The following TUSC3 variants were observed in gnomAD, a reference collection of about 807,000 sequenced individuals.
The protein encoded by TUSC3 is tumor suppressor candidate 3.
Under a neutral mutation model 44.8 loss-of-function variants are expected in TUSC3, and 45 were observed. The ratio of observed to expected loss-of-function variants is 1.00; its 90% CI spans 0.79 to 1.29. The LOEUF (loss-of-function observed/expected upper bound fraction) is 1.29, where lower values mean the gene tolerates loss of function less well. Ranked by LOEUF, TUSC3 falls within the 50% of genes most tolerant of loss-of-function variation. The pLI, the probability that TUSC3 is intolerant of heterozygous loss-of-function variation, is 0.00. For synonymous variants in TUSC3, 212 were observed against 152.9 expected (o/e 1.39, Z -2.85); for missense variants, 519 against 437.9 (o/e 1.19, Z -1.65).
intron 3 of TUSC3, among the ~76,000 whole-genome samples, chr8:15,655,859 AAACCACCT>A (rs1807139593): frequency 6.6e-6 from 1 of 152,170 alleles, no homozygotes; most frequent in African/African-American, 2.4e-5. Flanking sequence ...CTTCTTCCCC[AAACCACCT>A]TATTTTTGCA....
chr8:15,830,146 G>GT, the TUSC3 span, among the ~76,000 whole-genome samples: 1,506 of 148,990 alleles, frequency 0.01, 17 homozygotes, highest in Middle Eastern at 0.017. Context: ...AGGTTGTTAG[G>GT]TTTTTTTTTT....
At chr8:15,505,488 A>G (rs1801039668) in intron 2 of TUSC3, among the ~76,000 whole-genome samples, 2 of 152,216 alleles carry the variant, frequency 1.3e-5, no homozygotes. Context: ...AATCTCCAGC[A>G]GGGAACATCT....
the TUSC3 span, among the ~76,000 whole-genome samples, chr8:15,787,520 T>G: frequency 6.6e-6 from 1 of 152,206 alleles, no homozygotes; most frequent in South Asian, 2.1e-4. Context: ...TTGAGGGATT[T>G]TATGATGTCA....
chr8:15,517,139 T>C (rs1801227832), intron 2 of TUSC3, among the ~76,000 whole-genome samples: 1 of 152,116 alleles, frequency 6.6e-6, no homozygotes, highest in South Asian at 2.1e-4. Context: ...ACTCCAGGGA[T>C]TCTCTAGCAA....
At position 15,659,584 on chromosome 8, in the gene TUSC3, C is replaced by G. The variant is rs748983687; in HGVS notation, c.504C>G (p.Leu168=). 6.2e-6 allele frequency: 10 copies of G among 1,613,444 alleles called. No homozygotes were observed. In the Admixed American group the frequency reaches 1.0e-4, roughly 16 times the overall value. The part of the protein sequence containing the change: ...GRPKRADTFD[L]QRIGFAAEQL... The stretch of plus-strand genomic sequence containing the variant: ...CTAAGAGAGCTGATACTTTTGACCT[C>G]CAAAGAATTGGATTTGCAGCTGAGC... The change falls in exon 4 of 11, where the codon CTC becomes CTG. Residue 168 remains leucine, a synonymous_variant. Transcript: ENST00000503731.
intron 5 of TUSC3, among the ~76,000 whole-genome samples, chr8:15,664,793 A>C (rs927661784): frequency 1.3e-4 from 19 of 149,470 alleles, no homozygotes; most frequent in Non-Finnish European, 2.4e-4. Flanking sequence ...TAAATATATA[A>C]TATATAATTT....
intron 1 of TUSC3, among the ~76,000 whole-genome samples, chr8:15,577,710 A>G (rs1457889718): frequency 1.4e-5 from 2 of 143,636 alleles, no homozygotes; most frequent in African/African-American, 5.2e-5. Context: ...TGTTTTGGTT[A>G]CTGTAGCCTT....
chr8:15,849,859 C>T, the TUSC3 span, among the ~76,000 whole-genome samples: 5 of 152,116 alleles, frequency 3.3e-5, no homozygotes, highest in African/African-American at 1.2e-4. Context: ...TGGCTCACTC[C>T]AGTGCTGAGC....
intron 1 of TUSC3, among the ~76,000 whole-genome samples, chr8:15,551,025 T>A (rs549210422): frequency 6.6e-6 from 1 of 151,892 alleles, no homozygotes; most frequent in South Asian, 2.1e-4. Flanking sequence ...GGATTCTAGT[T>A]CCTTTGATTT....
At chr8:15,536,288 T>C (rs1214923474), upstream of TUSC3, among the ~76,000 whole-genome samples, 1 of 152,168 alleles carries the variant, frequency 6.6e-6, no homozygotes, top group East Asian at 1.9e-4. Flanking sequence ...TGTAAAGTCC[T>C]GAGGGCATGG....
intron 1 of TUSC3, among the ~76,000 whole-genome samples, chr8:15,605,075 T>C (rs954671141): frequency 6.6e-6 from 1 of 151,812 alleles, no homozygotes; most frequent in Non-Finnish European, 1.5e-5. Flanking sequence ...ATGAATGTAG[T>C]AGTGACTGTG....
rs565452359 is a variant in TUSC3, at chr8:15,674,155, G to A, written c.798+319G>A. ...ACATGTAACCCCACTAGAGGAAATC[G>A]GAATAGTTTATAGCCAATGTCCCTC... On this transcript the variant is annotated intron_variant, in intron 6 of 10. Transcript: ENST00000503731. 2.6e-5 allele frequency among the ~76,000 whole-genome samples: 4 copies of A among 151,966 alleles called. No homozygotes were observed. The South Asian group carries it at 6.2e-4, about 24-fold the overall frequency.
At chr8:15,595,065 C>A (rs1480470210) in intron 1 of TUSC3, among the ~76,000 whole-genome samples, 4 of 152,146 alleles carry the variant, frequency 2.6e-5, no homozygotes, top group African/African-American at 9.7e-5. Context: ...AGAACTTGGG[C>A]TATTCCCACC....
the TUSC3 span, among the ~76,000 whole-genome samples, chr8:15,816,950 A>C: frequency 6.6e-6 from 1 of 152,208 alleles, no homozygotes; most frequent in South Asian, 2.1e-4. Context: ...CCACTCCAAA[A>C]TGTCCTTCCT....
chr8:15,566,422 A>T (rs1053160608), intron 1 of TUSC3, among the ~76,000 whole-genome samples: 1 of 152,106 alleles, frequency 6.6e-6, no homozygotes. Flanking sequence ...AACATGTGCT[A>T]TTGTTACCAT....
intron 6 of TUSC3, among the ~76,000 whole-genome samples, chr8:15,697,529 C>A (rs890032681): frequency 1.3e-5 from 2 of 152,142 alleles, no homozygotes; most frequent in Non-Finnish European, 2.9e-5. Flanking sequence ...CGCTATCTTG[C>A]TACAACTTTC....
intron 1 of TUSC3, among the ~76,000 whole-genome samples, chr8:15,584,024 T>C (rs1273588749): frequency 6.6e-5 from 10 of 152,210 alleles, no homozygotes; most frequent in African/African-American, 1.9e-4. Flanking sequence ...TGTGAGAATA[T>C]GTTGTTTAAA....
chr8:15,608,741 G>A (rs1375008382), intron 1 of TUSC3, among the ~76,000 whole-genome samples: 1 of 152,114 alleles, frequency 6.6e-6, no homozygotes, highest in Non-Finnish European at 1.5e-5. Flanking sequence ...AGATGTGCCA[G>A]CTTCCCCTTC....
chr8:15,515,698 C>A lies in TUSC3; in HGVS notation n.189+32215C>A, dbSNP rs112201719. 1.3e-4 allele frequency among the ~76,000 whole-genome samples: 20 copies of A among 151,988 alleles called. 1 individual carries two copies. The highest frequency in any genetic ancestry group is 4.6e-4 in the African/African-American group (19 of 41,362). ...TACATATTTTTTTGAGACGGAGTCT[C>A]ACTCTGTCACCCAGACTGGAGGGCA... is the stretch of plus-strand genomic sequence containing the variant. On this transcript the variant is annotated intron_variant and non_coding_transcript_variant, in intron 2 of 5. Transcript: ENST00000503191.
Sources: allele counts gnomAD v4.1 joint callset (sites outside exome capture counted in the v4.1 genomes callset), GRCh38; gene constraint gnomAD v4.1.1; transcripts MANE v1.5; gene names NCBI Gene and HGNC (gene_info 2026-07-23, HGNC 2026-07-21).